MLLT3: variants seen among roughly 807,000 people sequenced by gnomAD.
MLLT3 encodes the protein MLLT3 super elongation complex subunit, also known as protein AF-9.
In MLLT3, 4 loss-of-function variants were observed where a neutral mutation model predicts 53.2. The ratio of observed to expected loss-of-function variants is 0.08; its 90% confidence interval spans 0.04 to 0.17. The LOEUF (loss-of-function observed/expected upper bound fraction) is 0.17. Ranked by LOEUF, MLLT3 falls within the 10% of genes least tolerant of loss-of-function variation. MLLT3 has a pLI of 1.00. For missense variants in MLLT3, 569 were observed against 684.0 expected (o/e 0.83, Z 1.87); for synonymous variants, 283 against 230.6 (o/e 1.23, Z -2.06).
intron 2 of MLLT3, among the ~76,000 whole-genome samples, chr9:20,596,762 A>T (rs1229344163): frequency 1.3e-5 from 2 of 152,198 alleles, no homozygotes; most frequent in African/African-American, 4.8e-5. Context: ...CTCACTCACA[A>T]AATATTATTA....
chr9:20,480,610 C>T (rs762429557), intron 2 of MLLT3, among the ~76,000 whole-genome samples: 15 of 152,126 alleles, frequency 9.9e-5, no homozygotes, highest in Non-Finnish European at 1.6e-4. Context: ...CTAGGTCTTC[C>T]GAGCTAGGCA....
chr9:20,401,928 C>T (rs1822466190), intron 5 of MLLT3, among the ~76,000 whole-genome samples: 1 of 152,136 alleles, frequency 6.6e-6, no homozygotes, highest in African/African-American at 2.4e-5. Context: ...GTTTCAAGTA[C>T]CTGTTGATCA....
At chr9:20,525,404 G>A (rs768048985) in intron 2 of MLLT3, among the ~76,000 whole-genome samples, 56 of 152,204 alleles carry the variant, frequency 3.7e-4, no homozygotes, top group Non-Finnish European at 6.9e-4. Context: ...GCTGACGCAT[G>A]AGAATTGCTT....
intron 2 of MLLT3, among the ~76,000 whole-genome samples, chr9:20,460,293 T>C (rs533950921): frequency 6.6e-6 from 1 of 152,190 alleles, no homozygotes; most frequent in Non-Finnish European, 1.5e-5. Flanking sequence ...TTAAGCTCTA[T>C]GTCATAAAAG....
intron 6 of MLLT3, 116 bp downstream of exon 6, chr9:20,365,553 T>A (rs1404585330): frequency 6.9e-6 from 8 of 1,164,514 alleles, no homozygotes; most frequent in Non-Finnish European, 1.0e-5. Flanking sequence ...TTTCACCGTG[T>A]TAGCTAGGAT....
intron 2 of MLLT3, among the ~76,000 whole-genome samples, chr9:20,514,702 T>C (rs375287691): frequency 6.6e-6 from 1 of 152,066 alleles, no homozygotes; most frequent in African/African-American, 2.4e-5. Flanking sequence ...TAGGGCAAGA[T>C]AGAAACTGTT....
intron 5 of MLLT3, among the ~76,000 whole-genome samples, chr9:20,367,851 G>C (rs1005555568): frequency 1.3e-5 from 2 of 152,152 alleles, no homozygotes; most frequent in Non-Finnish European, 2.9e-5. Context: ...TCTCACCAAT[G>C]CTTTGTTCAT....
chr9:20,405,656 G>A (rs1822560154), intron 5 of MLLT3, among the ~76,000 whole-genome samples: 1 of 152,202 alleles, frequency 6.6e-6, no homozygotes, highest in South Asian at 2.1e-4. Context: ...AGGGAGTAGA[G>A]TTCAATAAGG....
intron 2 of MLLT3, among the ~76,000 whole-genome samples, chr9:20,478,197 T>A (rs1824573714): frequency 6.6e-6 from 1 of 152,162 alleles, no homozygotes; most frequent in Non-Finnish European, 1.5e-5. Flanking sequence ...AGAAGCTGCA[T>A]CTTATTCCTC....
In MLLT3 at chr9:20,357,607, C is replaced by T. The variant is rs75562280; in HGVS notation, c.1432-2728G>A. 8.4e-3 allele frequency among the ~76,000 whole-genome samples: 1,272 copies of T among 152,320 alleles called. 17 individuals are homozygous for T. The highest frequency in any genetic ancestry group is 0.028 in the African/African-American group (1,155 of 41,570). On this transcript the variant is annotated intron_variant, in intron 8 of 10. Transcript: ENST00000380338. ...ATTCTCTACTGATAGATCTTTCATA[C>T]TAATGACAGTAGCTCCCAACAGTAC...
intron 7 of MLLT3, among the ~76,000 whole-genome samples, chr9:20,362,021 T>C (rs1366296186): frequency 6.6e-6 from 1 of 152,218 alleles, no homozygotes; most frequent in Non-Finnish European, 1.5e-5. Flanking sequence ...ATTAATGAAG[T>C]GTTCAGTTGA....
At chr9:20,588,909 GGC>G in intron 2 of MLLT3, among the ~76,000 whole-genome samples, 4 of 151,498 alleles carry the variant, frequency 2.6e-5, no homozygotes, top group Non-Finnish European at 4.4e-5. Context: ...CAGTTAGAAT[GGC>G]AATCATTAAA....
At chr9:20,464,063 T>A (rs947569026) in intron 2 of MLLT3, among the ~76,000 whole-genome samples, 2 of 151,982 alleles carry the variant, frequency 1.3e-5, no homozygotes, top group African/African-American at 4.8e-5. Flanking sequence ...CCTTTTGATT[T>A]CTGTAGGTAG....
intron 5 of MLLT3, among the ~76,000 whole-genome samples, chr9:20,403,108 G>C (rs1822496259): frequency 6.7e-6 from 1 of 149,384 alleles, no homozygotes; most frequent in Admixed American, 6.6e-5. Flanking sequence ...GCATCCGAGG[G>C]CCCCCTTTTA....
chr9:20,489,164 G>A (rs1043729064), intron 2 of MLLT3, among the ~76,000 whole-genome samples: 1 of 152,080 alleles, frequency 6.6e-6, no homozygotes, highest in South Asian at 2.1e-4. Context: ...AGGGAGAGCG[G>A]GTGGAAGGGT....
chr9:20,588,058 A>G (rs956889093), intron 2 of MLLT3, among the ~76,000 whole-genome samples: 2 of 151,012 alleles, frequency 1.3e-5, no homozygotes, highest in Non-Finnish European at 3.0e-5. Context: ...CTTTCTACAT[A>G]TGGCTAGCCA....
intron 2 of MLLT3, among the ~76,000 whole-genome samples, chr9:20,476,168 T>C (rs1824516850): frequency 6.6e-6 from 1 of 152,076 alleles, no homozygotes; most frequent in Non-Finnish European, 1.5e-5. Flanking sequence ...TTGGTGAAGA[T>C]ATTTCTAGAT....
intron 5 of MLLT3, among the ~76,000 whole-genome samples, chr9:20,391,170 G>A (rs950509412): frequency 6.6e-6 from 1 of 152,116 alleles, no homozygotes; most frequent in African/African-American, 2.4e-5. Context: ...CAACTCCCCT[G>A]GGGAATTGGG....
At chr9:20,583,172 G>A (rs997760905) in intron 2 of MLLT3, among the ~76,000 whole-genome samples, 3 of 152,168 alleles carry the variant, frequency 2.0e-5, no homozygotes, top group South Asian at 2.1e-4. Flanking sequence ...CAGGGCCCAT[G>A]CATTCAAATT....
Sources: allele counts gnomAD v4.1 joint callset (sites outside exome capture counted in the v4.1 genomes callset), GRCh38; gene constraint gnomAD v4.1.1; transcripts MANE v1.5; gene names NCBI Gene and HGNC (gene_info 2026-07-23, HGNC 2026-07-21).